Variants in INTS6 observed in about 807,000 individuals in gnomAD.
The protein encoded by INTS6 is integrator complex subunit 6.
A neutral mutation model predicts 104.9 loss-of-function variants in INTS6; 16 were observed. The observed-to-expected ratio is 0.15, with a 90% CI of 0.10 to 0.23. INTS6 has a LOEUF of 0.23. Among genes scored for constraint, INTS6 ranks in the 10% least tolerant of loss-of-function variants. INTS6 has a pLI of 1.00. For synonymous variants in INTS6, 324 were observed against 358.7 expected (o/e 0.90, Z 1.09); for missense variants, 584 against 1,062.8 (o/e 0.55, Z 6.26).
Position 51,452,934 on chromosome 13 carries a change from G to A in INTS6, c.-409C>T. 1 of 1,063,676 alleles carries A rather than the reference G, an allele frequency of 9.4e-7. No individual in the cohort carries two copies. The highest frequency in any genetic ancestry group is 1.1e-6 in the Non-Finnish European group (1 of 877,332). 65.9% of individuals were successfully genotyped at this position (1,063,676 alleles called of 1,614,324 possible). ...CTGGGAGCTGGCGAAGAGGGGAGTGGGCTGAGGGAAGATTGGCCCTGGGGC... is the reference window on the plus strand; with the variant it reads ...CTGGGAGCTGGCGAAGAGGGGAGTGAGCTGAGGGAAGATTGGCCCTGGGGC... On this transcript the variant is annotated 5_prime_UTR_variant, in exon 1 of 18. Transcript: ENST00000311234. This position sits in a 1 kb window ranked among gnomAD's most constrained non-coding sequence, Gnocchi z 4.2.
intron 4 of INTS6, among the ~76,000 whole-genome samples, chr13:51,399,214 TTTA>T (rs1380933341): frequency 1.0e-4 from 12 of 118,934 alleles, no homozygotes; most frequent in Non-Finnish European, 2.5e-4. Context: ...CATAATTAGT[TTTA>T]TTTTTTAGAG....
At chr13:51,335,283 G>A in the INTS6 span, among the ~76,000 whole-genome samples, 10 of 152,180 alleles carry the variant, frequency 6.6e-5, no homozygotes, top group African/African-American at 2.4e-4. Context: ...TATACTCTAT[G>A]TGGACTACAA....
chr13:51,422,769 A>C (rs1956918437), intron 4 of INTS6, among the ~76,000 whole-genome samples: 1 of 152,166 alleles, frequency 6.6e-6, no homozygotes, highest in Non-Finnish European at 1.5e-5. Flanking sequence ...GGGTGCTATT[A>C]CCTGCCCTCT....
chr13:51,347,340 C>T, the INTS6 span: 20 of 965,630 alleles, frequency 2.1e-5, no homozygotes, highest in East Asian at 1.6e-4. Context: ...GATGTGTTTC[C>T]GCAGGGTCCA....
chr13:51,440,724 T>C (rs919509068), intron 3 of INTS6: 1 of 152,234 alleles, frequency 6.6e-6, no homozygotes, highest in African/African-American at 2.4e-5. Flanking sequence ...GCTATACAGG[T>C]AGATGTATAG....
intron 15 of INTS6, among the ~76,000 whole-genome samples, chr13:51,369,757 A>G (rs530175388): frequency 2.0e-5 from 3 of 152,280 alleles, no homozygotes; most frequent in East Asian, 1.9e-4. Flanking sequence ...CTTTCCACTT[A>G]TATTTCTGCC....
chr13:51,389,458 A>G lies in INTS6; in HGVS notation c.614-14T>C, dbSNP rs764503354. The stretch of plus-strand genomic sequence containing the variant: ...AATATGAACGGCCTGAGATTAAAAA[A>G]AAGAAGAAGAAGAAGAAGAAGAATA... On this transcript the variant is annotated splice_polypyrimidine_tract_variant and intron_variant, in intron 5 of 17. Coordinates refer to ENST00000311234, the MANE Select transcript of INTS6 (RefSeq NM_012141.3). 171 of 1,577,074 alleles carry G rather than the reference A, an allele frequency of 1.1e-4. No homozygotes were observed. The highest frequency in any genetic ancestry group is 1.3e-4 in the Non-Finnish European group (150 of 1,167,258).
At position 51,403,595 on chromosome 13, in the gene INTS6, A is replaced by AAAAAAAAAAG. The variant is rs71085081; in HGVS notation, c.430-8122_430-8113dup. ...AGACTCCATTTCAAAAAAAAAAAAG[A>AAAAAAAAAAG]AAAAAAAAAGAAAAAAAAAAAAAGA... is the stretch of plus-strand genomic sequence containing the variant. On this transcript the variant is annotated intron_variant, in intron 4 of 17. Transcript: ENST00000311234. 2.6e-4 allele frequency among the ~76,000 whole-genome samples: 36 copies of AAAAAAAAAAG among 138,756 alleles called. 1 individual carries two copies. The highest frequency in any genetic ancestry group is 8.6e-4 in the African/African-American group (32 of 37,244). 91.0% of individuals were successfully genotyped at this position (138,756 alleles called of 152,430 possible).
chr13:51,359,737 C>T (rs980210363), downstream of INTS6, among the ~76,000 whole-genome samples: 7 of 152,058 alleles, frequency 4.6e-5, no homozygotes, highest in Non-Finnish European at 8.8e-5. Context: ...CATGAAGTCT[C>T]GGAGATTAGT....
At chr13:51,371,397 T>G (rs946616098) in intron 15 of INTS6, among the ~76,000 whole-genome samples, 48 of 152,160 alleles carry the variant, frequency 3.2e-4, no homozygotes, top group African/African-American at 1.1e-3. Context: ...TTCCTCTACT[T>G]TCTTCCTCCT....
At position 51,452,963 on chromosome 13, in the gene INTS6, T is replaced by C; in HGVS notation, c.-438A>G. 9.8e-7 allele frequency: 1 copy of C among 1,021,482 alleles called. No homozygotes were observed. Among genetic ancestry groups the C allele is most frequent in the Non-Finnish European group, 1.2e-6 (1 of 851,638 alleles). 63.3% of individuals were successfully genotyped at this position (1,021,482 alleles called of 1,614,324 possible). Reference sequence around the variant, plus strand: ...GAGGGAAGATTGGCCCTGGGGCTGTTGGGAGAAGTTTCAGGGACTCCCTCC... The same window carrying C: ...GAGGGAAGATTGGCCCTGGGGCTGTCGGGAGAAGTTTCAGGGACTCCCTCC... On this transcript the variant is annotated 5_prime_UTR_variant, in exon 1 of 18. Coordinates refer to ENST00000311234, the MANE Select transcript of INTS6 (RefSeq NM_012141.3). This position sits in a 1 kb window ranked among gnomAD's most constrained non-coding sequence, Gnocchi z 4.2.
chr13:51,379,412 G>A (rs1956003001), intron 11 of INTS6, 50 bp downstream of exon 11: 4 of 1,132,088 alleles, frequency 3.5e-6, no homozygotes, highest in Non-Finnish European at 5.2e-6. Flanking sequence ...AACCATCCTA[G>A]CCAAAACCAT....
intron 4 of INTS6, among the ~76,000 whole-genome samples, chr13:51,399,798 C>T (rs897202007): frequency 9.9e-5 from 15 of 152,140 alleles, no homozygotes; most frequent in Middle Eastern, 3.4e-3. Context: ...CCTTTTCATA[C>T]GCTTATTGGC....
chr13:51,376,232 A>T, intron 12 of INTS6, 58 bp from the exon 13 acceptor site: 1 of 1,412,644 alleles, frequency 7.1e-7, no homozygotes, highest in Non-Finnish European at 9.6e-7. Flanking sequence ...ACAAGAGACT[A>T]AAATCTCTAG....
intron 3 of INTS6, chr13:51,438,936 TC>T (rs753642444): frequency 1.1e-4 from 16 of 152,342 alleles, no homozygotes; most frequent in Non-Finnish European, 2.2e-4. Flanking sequence ...TATCTTCAAT[TC>T]CTTATTTAAA....
At chr13:51,344,967 AAG>A in the INTS6 span, among the ~76,000 whole-genome samples, 3,147 of 152,346 alleles carry the variant, frequency 0.021, 125 homozygotes, top group African/African-American at 0.072. Context: ...TTATTGAAGA[AAG>A]AGACTTACAA....
At chr13:51,423,331 T>C (rs1037864565) in intron 4 of INTS6, among the ~76,000 whole-genome samples, 2 of 151,856 alleles carry the variant, frequency 1.3e-5, no homozygotes, top group Non-Finnish European at 1.5e-5. Context: ...GTAGGGGGTG[T>C]GTGTGTGTGT....
At chr13:51,378,121 AG>A (rs1955969766) in intron 12 of INTS6, 117 bp downstream of exon 12, 1 of 727,830 alleles carries the variant, frequency 1.4e-6, no homozygotes, top group African/African-American at 1.7e-5. Context: ...AGTCTACAAG[AG>A]TACAGAAGTA....
At chr13:51,391,848 T>TA (rs1956250931) in intron 5 of INTS6, among the ~76,000 whole-genome samples, 1 of 152,224 alleles carries the variant, frequency 6.6e-6, no homozygotes, top group Non-Finnish European at 1.5e-5. Context: ...ATAAAATACT[T>TA]AAAAAATTCT....
Sources: allele counts gnomAD v4.1 joint callset (sites outside exome capture counted in the v4.1 genomes callset), GRCh38; gene constraint gnomAD v4.1.1; non-coding constraint Gnocchi (gnomAD v3.1); transcripts MANE v1.5; gene names NCBI Gene and HGNC (gene_info 2026-07-23, HGNC 2026-07-21).